Variants in RASGRF1 observed in about 807,000 individuals in gnomAD.
The protein encoded by RASGRF1 is ras-specific guanine nucleotide-releasing factor 1.
Under a neutral mutation model 138.7 loss-of-function variants are expected in RASGRF1, and 40 were observed. The ratio of observed to expected loss-of-function variants is 0.29; its 90% confidence interval spans 0.22 to 0.38. RASGRF1 has a LOEUF of 0.38. Ranked by LOEUF, RASGRF1 falls within the 10% of genes least tolerant of loss-of-function variation. The pLI is 1.00. For synonymous variants in RASGRF1, 614 were observed against 663.2 expected (o/e 0.93, Z 1.14); for missense variants, 1,108 against 1,650.4 (o/e 0.67, Z 5.69).
At chr15:78,965,886 G>C (rs983762491) in intron 26 of RASGRF1, among the ~76,000 whole-genome samples, 11 of 152,162 alleles carry the variant, frequency 7.2e-5, no homozygotes, top group Non-Finnish European at 1.0e-4. Context: ...TTACAGTTGA[G>C]GCAGAAGGTA....
chr15:78,986,473 A>G (rs1288854840), intron 22 of RASGRF1, among the ~76,000 whole-genome samples: 3 of 151,868 alleles, frequency 2.0e-5, no homozygotes, highest in African/African-American at 7.3e-5. Flanking sequence ...CAACCTCCCA[A>G]GTAGCTGGGA....
chr15:79,011,604 T>C (rs1302999316), intron 13 of RASGRF1, among the ~76,000 whole-genome samples: 1 of 152,184 alleles, frequency 6.6e-6, no homozygotes, highest in African/African-American at 2.4e-5. Context: ...GCTACAGCTG[T>C]GGCCAGGCAC....
chr15:78,985,991 G>A (rs1290046198), intron 22 of RASGRF1: 1 of 143,948 alleles, frequency 6.9e-6, no homozygotes, highest in Non-Finnish European at 1.5e-5. Flanking sequence ...AAATACCAAC[G>A]AGAGCTTTCT....
intron 13 of RASGRF1, chr15:79,012,456 A>G (rs375795858): frequency 2.2e-5 from 31 of 1,416,816 alleles, no homozygotes; most frequent in Non-Finnish European, 3.0e-5. Context: ...CTCTCTCACT[A>G]AACGATGAAT....
At position 78,998,806 on chromosome 15, in the gene RASGRF1, C is replaced by T; in HGVS notation, c.2766G>A (p.Arg922=). 6.2e-7 allele frequency: 1 copy of T among 1,614,010 alleles called. No individual in the cohort carries two copies. Among genetic ancestry groups the T allele is most frequent in the South Asian group, 1.1e-5 (1 of 91,076 alleles). ...LASAGFPPDQ[R]NGDKEFVIRR... ...GGATCACAAACTCCTTGTCTCCATT[C>T]CTCTGGTCTGGGGGAAACCCTGGCA... is the stretch of plus-strand genomic sequence containing the variant. Residue 922 remains arginine (R), a synonymous_variant, in exon 18 of 27, where the codon AGG becomes AGA. Coordinates refer to ENST00000558480, the MANE Select transcript of RASGRF1 (RefSeq NM_001145648.3).
At position 79,003,988 on chromosome 15, in the gene RASGRF1, C is replaced by G. The variant is rs1307333683; in HGVS notation, c.2263G>C (p.Asp755His). The change falls in exon 15 of 27, where the codon GAC becomes CAC. Residue 755 changes from aspartate to histidine, a missense_variant. Transcript: ENST00000558480. ...GAGTTGCAGCTGAGGGCGGCCAGGT[C>G]CAGGGCCTTGCCGCCAGTGATGATG... ...IPIITGGKAL[D>H]LAALSCNSNG... 3 of 1,614,104 alleles carry G rather than the reference C, an allele frequency of 1.9e-6. No homozygotes were observed. Among genetic ancestry groups the G allele is most frequent in the Non-Finnish European group, 2.5e-6 (3 of 1,180,018 alleles).
chr15:79,009,205 G>A lies in RASGRF1; in HGVS notation c.1827-2771C>T, dbSNP rs1427995549. ...GGTGGCTCCCGGGCTGCTGGCCTCC[G>A]TCTACAGTCCTCAGGAAGGCTTCTG... On this transcript the variant is annotated intron_variant, in intron 13 of 26. Transcript: ENST00000558480. 6.6e-5 allele frequency among the ~76,000 whole-genome samples: 10 copies of A among 152,286 alleles called. No individual in the cohort carries two copies. In the East Asian group the frequency reaches 7.7e-4, roughly 12 times the overall value.
At chr15:78,972,353 C>T (rs574803500) in intron 25 of RASGRF1, among the ~76,000 whole-genome samples, 1 of 152,070 alleles carries the variant, frequency 6.6e-6, no homozygotes, top group South Asian at 2.1e-4. Context: ...GCCTCAGCTC[C>T]CAAAGTGCTG....
chr15:79,062,761 C>G (rs920702432), intron 2 of RASGRF1, among the ~76,000 whole-genome samples: 4 of 152,104 alleles, frequency 2.6e-5, no homozygotes, highest in Middle Eastern at 3.2e-3. Flanking sequence ...CCAGGCTGGT[C>G]TCCAACTGCT....
At chr15:79,048,671 A>G (rs1386192156) in intron 4 of RASGRF1, among the ~76,000 whole-genome samples, 1 of 152,204 alleles carries the variant, frequency 6.6e-6, no homozygotes, top group African/African-American at 2.4e-5. Context: ...CTGGCAACAA[A>G]TTTTTAAAAA....
In RASGRF1 at chr15:79,027,652, C is replaced by G; in HGVS notation, c.1381+89G>C. 8.1e-7 allele frequency: 1 copy of G among 1,239,154 alleles called. No individual in the cohort carries two copies. Among genetic ancestry groups the G allele is most frequent in the African/African-American group, 1.5e-5 (1 of 66,990 alleles). The allele number at this position is 1,239,154 out of a possible 1,614,324, so 76.8% of individuals were successfully genotyped here. ...CAGGTCTTGGCATGTGGCAGCCAAA[C>G]CAACTGGTGGCGTCCCCGAGTGCCG... is the stretch of plus-strand genomic sequence containing the variant. On this transcript the variant is annotated intron_variant, in intron 9 of 26. Transcript: ENST00000558480. The surrounding 1 kb of genome is among the most constrained non-coding windows in gnomAD (Gnocchi z 4.8).
chr15:79,080,686 A>C (rs1482409223), intron 1 of RASGRF1, among the ~76,000 whole-genome samples: 41 of 152,204 alleles, frequency 2.7e-4, no homozygotes, highest in Admixed American at 2.7e-3. Context: ...AAAAAAAAGA[A>C]AGCTCAACTA....
intron 1 of RASGRF1, among the ~76,000 whole-genome samples, chr15:79,089,207 G>A (rs1336067701): frequency 6.6e-6 from 1 of 152,180 alleles, no homozygotes; most frequent in Non-Finnish European, 1.5e-5. Context: ...CCCCATCTAG[G>A]CAATCACCAG....
chr15:78,998,340 T>C (rs1415558756), intron 18 of RASGRF1, 132 bp from the exon 19 acceptor site: 1 of 753,892 alleles, frequency 1.3e-6, no homozygotes, highest in Non-Finnish European at 2.3e-6. Flanking sequence ...TCATTTCCTT[T>C]CTGTTGGCTT....
At chr15:79,042,113 C>T (rs1313170903) in intron 5 of RASGRF1, among the ~76,000 whole-genome samples, 1 of 152,184 alleles carries the variant, frequency 6.6e-6, no homozygotes, top group Admixed American at 6.5e-5. Flanking sequence ...ATGTTTCGTT[C>T]AAAGATCTTT....
intron 26 of RASGRF1, among the ~76,000 whole-genome samples, chr15:78,963,617 A>G (rs1237743454): frequency 6.6e-6 from 1 of 151,934 alleles, no homozygotes; most frequent in Non-Finnish European, 1.5e-5. Context: ...TTCTTATTAT[A>G]TGTTTGGGAA....
rs778922578 is a variant in RASGRF1 at position 79,006,396 on chromosome 15, C to T, written c.1865G>A (p.Arg622His). ...ASLYCDDVDI[R>H]FSKTMNSCKV... The stretch of plus-strand genomic sequence containing the variant: ...GCAGGAGTTCATGGTTTTGCTGAAG[C>T]GAATGTCAACATCATCACAATATAA... The change falls in exon 14 of 27, where the codon CGC becomes CAC. Residue 622 changes from arginine to histidine, a missense_variant. Physicochemically the swap from Arg to His is conservative, Grantham distance 29. Transcript: ENST00000558480. The surrounding 1 kb of genome is among the most constrained non-coding windows in gnomAD (Gnocchi z 4.0). The T allele has an allele frequency of 2.5e-6, 4 of 1,613,766 alleles. No homozygotes were observed. The highest frequency in any genetic ancestry group is 3.4e-6 in the Non-Finnish European group (4 of 1,179,980).
chr15:79,041,414 G>T (rs967022125), intron 5 of RASGRF1, among the ~76,000 whole-genome samples: 5 of 152,168 alleles, frequency 3.3e-5, no homozygotes, highest in Non-Finnish European at 5.9e-5. Flanking sequence ...AGTTAATATA[G>T]TGAGAGACCT....
intron 12 of RASGRF1, among the ~76,000 whole-genome samples, chr15:79,017,132 C>T (rs564998708): frequency 1.3e-5 from 2 of 152,338 alleles, no homozygotes; most frequent in East Asian, 3.9e-4. Flanking sequence ...ACTTTAGGCA[C>T]CCATGGGCAT....
Sources: allele counts gnomAD v4.1 joint callset (sites outside exome capture counted in the v4.1 genomes callset), GRCh38; gene constraint gnomAD v4.1.1; non-coding constraint Gnocchi (gnomAD v3.1); transcripts MANE v1.5; gene names NCBI Gene and HGNC (gene_info 2026-07-23, HGNC 2026-07-21).